The following SYNE1 variants were observed in gnomAD, a reference collection of about 807,000 sequenced individuals.
The protein encoded by SYNE1 is nesprin-1.
A neutral mutation model predicts 1,111.0 loss-of-function variants in SYNE1; 616 were observed. The observed-to-expected ratio is 0.55, with a 90% CI of 0.52 to 0.59. SYNE1 has a LOEUF of 0.59. SYNE1 is among the 20% of genes least tolerant of loss of function. The pLI, the probability that SYNE1 is intolerant of heterozygous loss-of-function variation, is 0.00. For synonymous variants in SYNE1, 3,855 were observed against 3,825.8 expected (o/e 1.01, Z -0.28); for missense variants, 10,006 against 10,417.0 (o/e 0.96, Z 1.72).
intron 3 of SYNE1, among the ~76,000 whole-genome samples, chr6:152,617,120 A>T (rs2099656738): frequency 6.6e-6 from 1 of 152,146 alleles, no homozygotes; most frequent in South Asian, 2.1e-4. Context: ...TTGCCACTTA[A>T]CCACTCTAGA....
intron 143 of SYNE1, among the ~76,000 whole-genome samples, chr6:152,132,734 A>G: frequency 6.6e-6 from 1 of 152,238 alleles, no homozygotes; most frequent in East Asian, 1.9e-4. Flanking sequence ...GCAGGATTTC[A>G]CAGCAGAATG....
chr6:152,263,599 A>G (rs753145851), intron 100 of SYNE1, among the ~76,000 whole-genome samples: 2 of 150,998 alleles, frequency 1.3e-5, no homozygotes, highest in Non-Finnish European at 2.9e-5. Flanking sequence ...GGGTCTCACT[A>G]TGTTTCCCAG....
chr6:152,352,653 C>T (rs1461113037), intron 69 of SYNE1, among the ~76,000 whole-genome samples: 2 of 152,170 alleles, frequency 1.3e-5, no homozygotes, highest in Admixed American at 1.3e-4. Context: ...ATCCACCCAC[C>T]TCAGCCTCCC....
Position 152,206,242 on chromosome 6 carries a change from CA to C in SYNE1, c.22944del (p.Glu7649LysfsTer20). 6.2e-7 allele frequency: 1 copy of C among 1,613,914 alleles called. No individual in the cohort carries two copies. The highest frequency in any genetic ancestry group is 1.7e-5 in the Admixed American group (1 of 60,032). ...GCTGATTTCCATTTCTCTTGGATTT[CA>C]GCGAGTTCGGCCTGCAAGGCGGCCT... ...GAEAALQAEL[A>X]EIQEKWKSAS... On this transcript the variant is annotated frameshift_variant, in exon 126 of 146. Coordinates refer to ENST00000367255, the MANE Select transcript of SYNE1 (RefSeq NM_182961.4). LOFTEE classifies it high-confidence loss of function.
rs1010884104 is a variant in SYNE1, at chr6:152,327,212, C to T, written c.14956-579G>A. 1.1e-4 allele frequency among the ~76,000 whole-genome samples: 17 copies of T among 152,144 alleles called. 1 individual carries two copies. In the East Asian group the frequency reaches 3.3e-3, roughly 29 times the overall value. On this transcript the variant is annotated intron_variant, in intron 78 of 145. Coordinates refer to ENST00000367255, the MANE Select transcript of SYNE1 (RefSeq NM_182961.4). ...GGTTGAGGCACAAGAATTGCTTGAA[C>T]CTGAGAGGCAGAGGTTGCAGTGAGC...
At chr6:152,564,622 C>T (rs908094210) in intron 3 of SYNE1, among the ~76,000 whole-genome samples, 4 of 151,958 alleles carry the variant, frequency 2.6e-5, no homozygotes, top group Non-Finnish European at 5.9e-5. Context: ...TGGACAGGAA[C>T]GTTTATTATA....
chr6:152,398,798 C>A, intron 48 of SYNE1, 67 bp from the exon 49 acceptor site: 4 of 1,200,138 alleles, frequency 3.3e-6, no homozygotes, highest in Non-Finnish European at 3.6e-6. Flanking sequence ...ATTGAATGGG[C>A]TCCCAGGATT....
At chr6:152,240,024 C>T (rs1339338383) in intron 107 of SYNE1, among the ~76,000 whole-genome samples, 3 of 152,214 alleles carry the variant, frequency 2.0e-5, no homozygotes, top group African/African-American at 7.2e-5. Flanking sequence ...TGCCACTGCA[C>T]TCCAGCCTGG....
At chr6:152,555,559 T>C (rs959614404) in intron 3 of SYNE1, among the ~76,000 whole-genome samples, 1 of 152,312 alleles carries the variant, frequency 6.6e-6, no homozygotes, top group Non-Finnish European at 1.5e-5. Context: ...AATACATTTC[T>C]CAGAATGTAT....
At chr6:152,333,879 C>T (rs937440633) in intron 77 of SYNE1, 129 bp downstream of exon 77, 40 of 1,270,514 alleles carry the variant, frequency 3.1e-5, no homozygotes, top group Middle Eastern at 2.6e-4. Context: ...CTAATCCACC[C>T]GCCTCAGCCT....
In SYNE1 at chr6:152,302,056, G is replaced by A; in HGVS notation, c.17354C>T (p.Ala5785Val). The A allele has an allele frequency of 6.2e-7, 1 of 1,614,204 alleles. No individual in the cohort carries two copies. The highest frequency in any genetic ancestry group is 2.2e-5 in the East Asian group (1 of 44,892). Residue 5785 changes from alanine (A) to valine (V), a missense_variant, in exon 92 of 146, where the codon GCG becomes GTG. Transcript: ENST00000367255. ...CTCCTGGTAGCCCTTAATTTTCTGC[G>A]CCAGCTCCTGAGGAAACATTTCCCC... is the stretch of plus-strand genomic sequence containing the variant. ...QAQISRHEEL[A>V]QKIKGYQEQI...
intron 91 of SYNE1, 99 bp downstream of exon 91, chr6:152,308,390 G>C: frequency 6.4e-7 from 1 of 1,556,046 alleles, no homozygotes; most frequent in Non-Finnish European, 8.8e-7. Context: ...ATTAAGTGCA[G>C]GACAGGGGAA....
intron 3 of SYNE1, among the ~76,000 whole-genome samples, chr6:152,610,452 A>G (rs1425228887): frequency 6.6e-6 from 1 of 152,188 alleles, no homozygotes; most frequent in Non-Finnish European, 1.5e-5. Context: ...GAGAAAAAAA[A>G]GTAAAAAGAA....
chr6:152,507,356 CAA>C, intron 8 of SYNE1, among the ~76,000 whole-genome samples: 1 of 152,110 alleles, frequency 6.6e-6, no homozygotes. Context: ...TAGACATTTT[CAA>C]AGAGAAATAC....
chr6:152,560,301 A>G (rs10872686), intron 3 of SYNE1, among the ~76,000 whole-genome samples: 67,946 of 151,930 alleles, frequency 0.45, 15,710 homozygotes, highest in Admixed American at 0.51. Context: ...GGGAGGCAGA[A>G]GTTGCAGTGA....
intron 3 of SYNE1, among the ~76,000 whole-genome samples, chr6:152,587,749 T>C (rs765412575): frequency 6.6e-6 from 1 of 152,182 alleles, no homozygotes; most frequent in Non-Finnish European, 1.5e-5. Context: ...GCAAGCTAGA[T>C]TGTGGTGGCA....
At chr6:152,570,922 G>A (rs192879983) in intron 3 of SYNE1, among the ~76,000 whole-genome samples, 227 of 152,238 alleles carry the variant, frequency 1.5e-3, no homozygotes, top group Middle Eastern at 3.4e-3. Context: ...AGCCAGATGC[G>A]GAGGAATTCA....
At chr6:152,207,923 G>T in intron 125 of SYNE1, 49 bp downstream of exon 125, 1 of 1,588,438 alleles carries the variant, frequency 6.3e-7, no homozygotes, top group South Asian at 1.1e-5. Flanking sequence ...GGTAAAGTGT[G>T]CGGTGGAAAT....
Position 152,416,574 on chromosome 6 carries a change from G to A in SYNE1, c.5863C>T (p.Leu1955Phe). 1 of 1,614,094 alleles carries A rather than the reference G, an allele frequency of 6.2e-7. No individual in the cohort carries two copies. The highest frequency in any genetic ancestry group is 8.5e-7 in the Non-Finnish European group (1 of 1,180,014). The change falls in exon 41 of 146, where the codon CTC becomes TTC. Residue 1955 changes from leucine to phenylalanine, a missense_variant. Leu to Phe is a conservative substitution (Grantham distance 22, BLOSUM62 0). This residue lies in a region of SYNE1 where 4,955 missense variants were observed against 5,017.2 expected (regional missense o/e 0.99). Coordinates refer to ENST00000367255, the MANE Select transcript of SYNE1 (RefSeq NM_182961.4). ...TGGATCCTCTCTACCTCTCCACAGA[G>A]CTGATCAGCCGTGGCTCTGCAGGAA... ...RTSCRATADQ[L>F]CGEVERIQNL...
Sources: gnomAD v4.1 joint callset for allele counts (sites outside exome capture counted in the v4.1 genomes callset) on GRCh38, gnomAD v4.1.1 for gene constraint, gnomAD v4.1.1 regional missense constraint, MANE v1.5 for transcripts, NCBI Gene and HGNC (gene_info 2026-07-23, HGNC 2026-07-21) for gene names.